Variants in EFCAB6 observed in about 807,000 individuals in gnomAD.
EFCAB6 encodes EF-hand calcium-binding domain-containing protein 6.
EFCAB6 carries 156 observed loss-of-function variants against 169.8 expected under a neutral mutation model. The observed-to-expected ratio is 0.92, with a 90% CI of 0.81 to 1.05. The LOEUF is 1.05. Among genes scored for constraint, EFCAB6 ranks in the 50% least tolerant of loss-of-function variants. The pLI, the probability that EFCAB6 is intolerant of heterozygous loss-of-function variation, is 0.00. For missense variants in EFCAB6, 1,800 were observed against 1,829.1 expected (o/e 0.98, Z 0.29); for synonymous variants, 698 against 676.4 (o/e 1.03, Z -0.50).
intron 6 of EFCAB6, among the ~76,000 whole-genome samples, chr22:43,742,982 T>C (rs190328769): frequency 1.8e-4 from 27 of 152,210 alleles, no homozygotes; most frequent in Admixed American, 1.0e-3. Flanking sequence ...GACAGAAAAC[T>C]CTGAAGTTCC....
chr22:43,707,482 G>A (rs2058999793), intron 10 of EFCAB6, among the ~76,000 whole-genome samples: 1 of 151,982 alleles, frequency 6.6e-6, no homozygotes, highest in African/African-American at 2.4e-5. Context: ...TACATGGTAG[G>A]GAAACTGTAA....
intron 22 of EFCAB6, among the ~76,000 whole-genome samples, chr22:43,607,767 C>CT (rs1342284372): frequency 6.6e-6 from 1 of 152,146 alleles, no homozygotes; most frequent in Admixed American, 6.5e-5. Context: ...GTATACCATC[C>CT]TGGGGGAATA....
intron 30 of EFCAB6, chr22:43,532,114 C>T (rs890880410): frequency 6.6e-6 from 1 of 152,060 alleles, no homozygotes. Flanking sequence ...TCTCAATCCA[C>T]TCCGGTCTGG....
intron 20 of EFCAB6, among the ~76,000 whole-genome samples, chr22:43,625,124 A>G (rs1270781818): frequency 6.6e-6 from 1 of 151,938 alleles, no homozygotes; most frequent in Non-Finnish European, 1.5e-5. Context: ...AAACCTATGA[A>G]TTCAGGGAGA....
At chr22:43,784,662 TACATATACATATATACACACAC>T (rs2062000215) in intron 2 of EFCAB6, among the ~76,000 whole-genome samples, 1 of 84,608 alleles carries the variant, frequency 1.2e-5, no homozygotes, top group Non-Finnish European at 2.2e-5. Flanking sequence ...TGTGTATATA[TACATATACATATATACACACAC>T]ACACACACAC....
chr22:43,726,365 T>C (rs190788836), intron 8 of EFCAB6, among the ~76,000 whole-genome samples: 4 of 151,022 alleles, frequency 2.6e-5, no homozygotes, highest in Admixed American at 1.3e-4. Flanking sequence ...CTTCCAATTT[T>C]GGTGGATTAG....
At chr22:43,765,556 G>A (rs536554614) in intron 4 of EFCAB6, among the ~76,000 whole-genome samples, 163 bp from the exon 5 acceptor site, 17 of 152,106 alleles carry the variant, frequency 1.1e-4, no homozygotes, top group Non-Finnish European at 2.4e-4. Flanking sequence ...TAACCCAGGT[G>A]TCACGGTGAA....
At position 43,530,734 on chromosome 22, in the gene EFCAB6, G is replaced by C; in HGVS notation, c.4383+81C>G. The C allele has an allele frequency of 1.9e-6, 3 of 1,588,780 alleles. No individual in the cohort carries two copies. The South Asian group carries it at 3.5e-5, about 18-fold the overall frequency. The stretch of plus-strand genomic sequence containing the variant: ...CACCGGGCCTTCGGCAGCAGGTAGA[G>C]GGCTCCCCGTGGGAAGTTTCTGGCC... On this transcript the variant is annotated intron_variant, in intron 31 of 31. Transcript: ENST00000262726.
intron 17 of EFCAB6, among the ~76,000 whole-genome samples, chr22:43,664,662 G>C (rs1446616014): frequency 6.6e-6 from 1 of 152,218 alleles, no homozygotes; most frequent in Non-Finnish European, 1.5e-5. Flanking sequence ...TTGGCAGAGG[G>C]CATGGCCAGT....
chr22:43,580,668 A>T lies in EFCAB6; in HGVS notation c.3033-9T>A. 1 of 1,612,734 alleles carries T rather than the reference A, an allele frequency of 6.2e-7. No homozygotes were observed. Among genetic ancestry groups the T allele is most frequent in the Non-Finnish European group, 8.5e-7 (1 of 1,179,568 alleles). On this transcript the variant is annotated splice_polypyrimidine_tract_variant and intron_variant, in intron 24 of 31. Transcript: ENST00000262726. ...GCCGGCTGACTCCCCAACTTGTCCC[A>T]AAAGGAAGAAAAGAACATATTCATT...
At position 43,540,312 on chromosome 22, in the gene EFCAB6, G is replaced by T. The variant is rs2047630151; in HGVS notation, c.3694C>A (p.Leu1232Met). Residue 1232 changes from leucine (L) to methionine (M), a missense_variant, in exon 28 of 32, where the codon CTG (leucine) becomes ATG (methionine). Physicochemically the swap from Leu to Met is conservative, Grantham distance 15. Transcript: ENST00000262726. ...CTGCTCAGGAAGTCCGGGTATTTCA[G>T]CCTCCCCTTGGCATTGACTGGCATC... ...NEMPVNAKGR[L>M]KYPDFLSRFS... is the part of the protein sequence containing the mutation. The T allele has an allele frequency of 1.2e-6, 2 of 1,614,156 alleles. No homozygotes were observed. Among genetic ancestry groups the T allele is most frequent in the Non-Finnish European group, 8.5e-7 (1 of 1,180,032 alleles).
Position 43,755,804 on chromosome 22 carries a change from G to T in EFCAB6, c.469C>A (p.Arg157Ser). ...TGGATTTCAAGTTCTCTTAATGTGCGGCAGCAATTCATTTCATTCCCACCT... is the reference window on the plus strand; with the variant it reads ...TGGATTTCAAGTTCTCTTAATGTGCTGCAGCAATTCATTTCATTCCCACCT... Reference protein sequence around the residue: ...RGGGNEMNCCRTLRELEIQVG... With the variant: ...RGGGNEMNCCSTLRELEIQVG... The change falls in exon 6 of 32, where the codon CGC becomes AGC. Residue 157 changes from arginine to serine, a missense_variant. By Grantham distance (110) the Arg-to-Ser change is moderately radical. Transcript: ENST00000262726. 1.9e-6 allele frequency: 3 copies of T among 1,603,268 alleles called. No individual in the cohort carries two copies. Among genetic ancestry groups the T allele is most frequent in the Non-Finnish European group, 2.5e-6 (3 of 1,176,720 alleles).
At chr22:43,586,819 C>CT (rs2051105347) in intron 24 of EFCAB6, among the ~76,000 whole-genome samples, 2 of 152,162 alleles carry the variant, frequency 1.3e-5, no homozygotes, top group South Asian at 4.1e-4. Context: ...GAATCAGAAA[C>CT]TTTGGGGGAG....
chr22:43,673,159 C>T (rs1014328708), intron 13 of EFCAB6, among the ~76,000 whole-genome samples: 9 of 152,170 alleles, frequency 5.9e-5, no homozygotes, highest in Non-Finnish European at 1.2e-4. Flanking sequence ...ACAGACTCTA[C>T]AGCAAGGAAG....
intron 13 of EFCAB6, among the ~76,000 whole-genome samples, chr22:43,675,575 T>A (rs8136863): frequency 0.034 from 4,945 of 144,536 alleles, 333 homozygotes; most frequent in African/African-American, 0.12. Flanking sequence ...AGATATAGTA[T>A]ATTTATATGA....
intron 6 of EFCAB6, among the ~76,000 whole-genome samples, chr22:43,753,465 C>A (rs1482436960): frequency 6.6e-6 from 1 of 152,174 alleles, no homozygotes; most frequent in Non-Finnish European, 1.5e-5. Context: ...AGAGACTCCT[C>A]CTCAAAACAG....
rs2049946872 is a variant in EFCAB6, at chr22:43,572,407, G to T, written c.3420+3890C>A. ...CAGCAGACATGGAGCTTCAAGCCCGGTCTTCTCCACTTGCAGGTCCTTTAG... is the reference window on the plus strand; with the variant it reads ...CAGCAGACATGGAGCTTCAAGCCCGTTCTTCTCCACTTGCAGGTCCTTTAG... On this transcript the variant is annotated intron_variant, in intron 26 of 31. Coordinates refer to ENST00000262726, the MANE Select transcript of EFCAB6 (RefSeq NM_022785.4). The surrounding 1 kb of genome is among the most constrained non-coding windows in gnomAD (Gnocchi z 4.0). Among the ~76,000 whole-genome samples, 1 of 152,170 alleles carries T rather than the reference G, an allele frequency of 6.6e-6. No homozygotes were observed. Among genetic ancestry groups the T allele is most frequent in the Non-Finnish European group, 1.5e-5 (1 of 68,028 alleles).
intron 2 of EFCAB6, among the ~76,000 whole-genome samples, chr22:43,801,132 C>T (rs534004657): frequency 6.6e-6 from 1 of 152,296 alleles, no homozygotes; most frequent in African/African-American, 2.4e-5. Context: ...TGGCAACAGA[C>T]TTCTTAACAG....
chr22:43,546,377 CAT>C (rs1191246139), intron 27 of EFCAB6, among the ~76,000 whole-genome samples: 2 of 152,172 alleles, frequency 1.3e-5, no homozygotes, highest in Non-Finnish European at 1.5e-5. Flanking sequence ...TGCTTGCTAA[CAT>C]GTGGTTTCGT....
Sources: allele counts gnomAD v4.1 joint callset (sites outside exome capture counted in the v4.1 genomes callset), GRCh38; gene constraint gnomAD v4.1.1; non-coding constraint Gnocchi (gnomAD v3.1); transcripts MANE v1.5; gene names NCBI Gene and HGNC (gene_info 2026-07-23, HGNC 2026-07-21).